The following GGT5 variants were observed in gnomAD, a reference collection of about 807,000 sequenced individuals.
The protein encoded by GGT5 is gamma-glutamyltransferase 5.
GGT5 carries 50 observed loss-of-function variants against 58.1 expected under a neutral mutation model. The ratio of observed to expected loss-of-function variants is 0.86; its 90% CI spans 0.69 to 1.09. The LOEUF (loss-of-function observed/expected upper bound fraction) is 1.09, where lower values mean the gene tolerates loss of function less well. GGT5 is among the 50% of genes least tolerant of loss of function. The pLI is 0.00. For synonymous variants in GGT5, 370 were observed against 346.1 expected (o/e 1.07, Z -0.77); for missense variants, 800 against 789.4 (o/e 1.01, Z -0.16).
Position 24,232,314 on chromosome 22 carries a change from C to T in GGT5, c.597-106G>A, listed in dbSNP as rs1034252721. ...CTCAGGACCCTACAGTGGGGGGCGC[C>T]CTGGCCCAGGGTCCCGAGGCACTGG... On this transcript the variant is annotated intron_variant, in intron 4 of 11. Coordinates refer to ENST00000327365, the MANE Select transcript of GGT5 (RefSeq NM_004121.5). 5 of 607,390 alleles carry T rather than the reference C, an allele frequency of 8.2e-6. No individual in the cohort carries two copies. In the African/African-American group the frequency reaches 9.5e-5, roughly 12 times the overall value. The allele number at this position is 607,390 out of a possible 1,614,324, so 37.6% of individuals were successfully genotyped here. A position where few individuals can be genotyped will look rare whatever the true frequency, so the allele number is the denominator to read the frequency against.
rs757185449 is a variant in GGT5 at position 24,233,451 on chromosome 22, C to G, written c.400+47G>C. 4 of 1,093,340 alleles carry G rather than the reference C, an allele frequency of 3.7e-6. No homozygotes were observed. The East Asian group carries it at 9.6e-5, about 26-fold the overall frequency. The allele number at this position is 1,093,340 out of a possible 1,614,324, so 67.7% of individuals were successfully genotyped here. ...CCTTTGCGGGGGTGTTCTGATTAGT[C>G]CTAGTGGCCTGGGGGGTGGGAGTGG... is the stretch of plus-strand genomic sequence containing the variant. On this transcript the variant is annotated intron_variant, in intron 3 of 11. Transcript: ENST00000327365.
chr22:24,228,361 T>G (rs949574610), intron 6 of GGT5, among the ~76,000 whole-genome samples: 26 of 152,076 alleles, frequency 1.7e-4, no homozygotes, highest in African/African-American at 5.8e-4. Flanking sequence ...AAAATACTTC[T>G]GCAAAGACAT....
chr22:24,235,999 T>C (rs892419903), intron 1 of GGT5, among the ~76,000 whole-genome samples: 1 of 151,982 alleles, frequency 6.6e-6, no homozygotes, highest in African/African-American at 2.4e-5. Context: ...ATCTATATCT[T>C]CTCCCTGGGT....
intron 6 of GGT5, among the ~76,000 whole-genome samples, chr22:24,230,411 A>G (rs2047903287): frequency 6.6e-6 from 1 of 151,492 alleles, no homozygotes; most frequent in Admixed American, 6.6e-5. Flanking sequence ...GATAAAAATC[A>G]GCGGCGTGTG....
chr22:24,223,379 T>A (rs1316157496), intron 11 of GGT5, among the ~76,000 whole-genome samples: 2 of 151,970 alleles, frequency 1.3e-5, no homozygotes, highest in African/African-American at 4.8e-5. Context: ...CCAGCCTGAG[T>A]GACAGAGTGA....
intron 1 of GGT5, among the ~76,000 whole-genome samples, chr22:24,238,793 ATTT>A (rs1481258909): frequency 7.2e-5 from 1 of 13,980 alleles, no homozygotes; most frequent in African/African-American, 2.3e-4. Flanking sequence ...TATATTATAT[ATTT>A]ATATATATAT....
intron 1 of GGT5, among the ~76,000 whole-genome samples, chr22:24,236,199 C>A (rs969806103): frequency 6.6e-6 from 1 of 152,142 alleles, no homozygotes; most frequent in African/African-American, 2.4e-5. Flanking sequence ...TCCTTCCAAC[C>A]GTCCCTGCGA....
intron 2 of GGT5, 83 bp downstream of exon 2, chr22:24,233,791 G>C (rs1322606199): frequency 1.4e-6 from 2 of 1,379,574 alleles, no homozygotes; most frequent in Non-Finnish European, 2.0e-6. Context: ...ACGGGCTTGA[G>C]TTGATGGGAC....
intron 1 of GGT5, among the ~76,000 whole-genome samples, chr22:24,234,932 A>C (rs2048053104): frequency 6.6e-6 from 1 of 152,026 alleles, no homozygotes; most frequent in Non-Finnish European, 1.5e-5. Flanking sequence ...AGGGCTGGTC[A>C]GCCTGGCCTA....
chr22:24,240,932 C>T (rs1298117113), intron 1 of GGT5, among the ~76,000 whole-genome samples: 1 of 152,076 alleles, frequency 6.6e-6, no homozygotes, highest in African/African-American at 2.4e-5. Context: ...CCAAAGCGGG[C>T]AGATCACCTG....
At chr22:24,237,587 T>C (rs2148932894) in intron 1 of GGT5, among the ~76,000 whole-genome samples, 1 of 152,142 alleles carries the variant, frequency 6.6e-6, no homozygotes, top group African/African-American at 2.4e-5. Flanking sequence ...TTTTGTATTT[T>C]CAGTAGAGAC....
intron 11 of GGT5, 151 bp downstream of exon 11, chr22:24,224,845 C>T: frequency 3.2e-6 from 2 of 622,460 alleles, no homozygotes; most frequent in South Asian, 3.8e-5. Context: ...ACAGCCTCAC[C>T]CATCAAGGTC....
intron 1 of GGT5, 145 bp from the exon 2 acceptor site, chr22:24,234,149 C>T: frequency 1.4e-6 from 1 of 710,312 alleles, no homozygotes; most frequent in African/African-American, 1.8e-5. Context: ...CAGAACACAA[C>T]CAGGCTTCCC....
chr22:24,235,647 C>A (rs1031099467), intron 1 of GGT5, among the ~76,000 whole-genome samples: 2 of 152,310 alleles, frequency 1.3e-5, no homozygotes, highest in East Asian at 3.9e-4. Flanking sequence ...ACAAGTCAGG[C>A]ATAAACACTA....
chr22:24,226,319 A>C lies in GGT5; in HGVS notation c.1039-53T>G. ...CAGTGAGGGGCCAGGCAGAATCCGC[A>C]GAACCAAGGGCAGGATGAGATCAGC... On this transcript the variant is annotated intron_variant, in intron 7 of 11. Transcript: ENST00000327365. 2.1e-6 allele frequency: 3 copies of C among 1,414,824 alleles called. No individual in the cohort carries two copies. In the East Asian group the frequency reaches 6.9e-5, roughly 32 times the overall value. The allele number at this position is 1,414,824 out of a possible 1,614,324, so 87.6% of individuals were successfully genotyped here. A position where few individuals can be genotyped will look rare whatever the true frequency, so the allele number is the denominator to read the frequency against.
At chr22:24,232,705 C>T (rs2047981166) in intron 4 of GGT5, 118 bp downstream of exon 4, 7 of 628,302 alleles carry the variant, frequency 1.1e-5, no homozygotes, top group Middle Eastern at 4.3e-4. Flanking sequence ...TCCTGGCCAG[C>T]ACCCCGAGGG....
Position 24,228,328 on chromosome 22 carries a change from A to G in GGT5, c.902-1561T>C, listed in dbSNP as rs555397950. 2.0e-5 allele frequency among the ~76,000 whole-genome samples: 3 copies of G among 152,256 alleles called. No homozygotes were observed. In the East Asian group the frequency reaches 5.8e-4, roughly 29 times the overall value. On this transcript the variant is annotated intron_variant, in intron 6 of 11. Coordinates refer to ENST00000327365, the MANE Select transcript of GGT5 (RefSeq NM_004121.5). Reference sequence around the variant, plus strand: ...ACACAACAGCTCACAACCTTACAAGAAGGCCATCACAATCTTACACAAAAA... The same window carrying G: ...ACACAACAGCTCACAACCTTACAAGGAGGCCATCACAATCTTACACAAAAA...
intron 11 of GGT5, among the ~76,000 whole-genome samples, chr22:24,223,437 T>C (rs2047658806): frequency 6.6e-6 from 1 of 151,942 alleles, no homozygotes; most frequent in African/African-American, 2.4e-5. Flanking sequence ...GGAGGAGGGC[T>C]CCAAAGGATG....
chr22:24,235,714 A>G (rs749094361), intron 1 of GGT5, among the ~76,000 whole-genome samples: 9 of 152,204 alleles, frequency 5.9e-5, no homozygotes, highest in Admixed American at 3.9e-4. Flanking sequence ...GGGGGAAAAA[A>G]CACTTTAAAC....
Sources: gnomAD v4.1 joint callset for allele counts (sites outside exome capture counted in the v4.1 genomes callset) on GRCh38, gnomAD v4.1.1 for gene constraint, MANE v1.5 for transcripts, NCBI Gene and HGNC (gene_info 2026-07-23, HGNC 2026-07-21) for gene names.